ZFHX3: variants seen among roughly 807,000 people sequenced by gnomAD.
ZFHX3 encodes zinc finger homeobox 3, also known as zinc finger homeobox protein 3.
A neutral mutation model predicts 279.1 loss-of-function variants in ZFHX3; 42 were observed. That is an observed-to-expected ratio of 0.15 (90% CI 0.12 to 0.19). The LOEUF is 0.19. Among genes scored for constraint, ZFHX3 ranks in the 10% least tolerant of loss-of-function variants. The probability of loss-of-function intolerance (pLI) is 1.00; values close to 1 mark genes in which losing one functional copy is unlikely to be tolerated. For missense variants in ZFHX3, 4,981 were observed against 4,754.0 expected, an observed-to-expected ratio of 1.05 and a Z score of -1.40; for synonymous variants, 2,293 against 1,957.8, an observed-to-expected ratio of 1.17 and a Z score of -4.52.
chr16:72,950,199 C>G (rs1229478002), intron 3 of ZFHX3, among the ~76,000 whole-genome samples: 1 of 151,950 alleles, frequency 6.6e-6, no homozygotes, highest in African/African-American at 2.4e-5. Context: ...AAGAACCAAC[C>G]CTAGAGGCGC....
chr16:73,672,838 T>C (rs2052917531), intron 2 of ZFHX3, among the ~76,000 whole-genome samples: 1 of 152,166 alleles, frequency 6.6e-6, no homozygotes, highest in Non-Finnish European at 1.5e-5. Flanking sequence ...ACATGAAAAC[T>C]GGGAGAACTA....
chr16:73,061,693 T>A (rs1405136790), upstream of ZFHX3: 1 of 152,102 alleles, frequency 6.6e-6, no homozygotes, highest in Non-Finnish European at 1.5e-5. Context: ...TTTATCTGTC[T>A]TCACGAATCT....
At chr16:73,182,977 G>T (rs550953336) in intron 5 of ZFHX3, among the ~76,000 whole-genome samples, 2 of 152,278 alleles carry the variant, frequency 1.3e-5, no homozygotes, top group South Asian at 4.2e-4. Flanking sequence ...GGCCGAGGTG[G>T]GTGGATCACC....
In ZFHX3 at chr16:73,162,096, G is replaced by C. The variant is rs534610577; in HGVS notation, c.-1103-18265C>G. Among the ~76,000 whole-genome samples the C allele has an allele frequency of 3.3e-5, 5 of 152,296 alleles. No homozygotes were observed. In the South Asian group the frequency reaches 1.0e-3, roughly 32 times the overall value. On this transcript the variant is annotated intron_variant, in intron 5 of 17. Transcript: ENST00000641206. ...TGACTTTATAGAGCAGGGGTCCCCA[G>C]CCCCTGGGGCACAGACCAGTATCAA...
At chr16:72,925,217 C>T (rs1253350730) in intron 3 of ZFHX3, among the ~76,000 whole-genome samples, 1 of 152,162 alleles carries the variant, frequency 6.6e-6, no homozygotes, top group Non-Finnish European at 1.5e-5. Flanking sequence ...GTGAGGCTGC[C>T]CACTCTTCCC....
intron 5 of ZFHX3, among the ~76,000 whole-genome samples, chr16:73,225,273 G>A (rs1369713149): frequency 6.6e-6 from 1 of 152,090 alleles, no homozygotes; most frequent in Non-Finnish European, 1.5e-5. Context: ...AAACATTTGA[G>A]GCTTATTATT....
chr16:73,419,658 G>C (rs2017676115), intron 3 of ZFHX3, among the ~76,000 whole-genome samples: 1 of 151,904 alleles, frequency 6.6e-6, no homozygotes, highest in Non-Finnish European at 1.5e-5. Flanking sequence ...TGCCCAGGCT[G>C]GACTTGAACT....
intron 1 of ZFHX3, among the ~76,000 whole-genome samples, chr16:73,743,500 A>G (rs115528157): frequency 1.8e-3 from 268 of 152,366 alleles, no homozygotes; most frequent in African/African-American, 6.0e-3. Flanking sequence ...GGCTCTAACA[A>G]TATATGCTAC....
chr16:73,313,089 A>T (rs565328365), intron 4 of ZFHX3, among the ~76,000 whole-genome samples: 14 of 152,234 alleles, frequency 9.2e-5, no homozygotes, highest in African/African-American at 3.4e-4. Flanking sequence ...TGCTGTTCTC[A>T]TGATAGCGAG....
chr16:73,790,218 G>T (rs564466636), intron 1 of ZFHX3, among the ~76,000 whole-genome samples: 4 of 150,858 alleles, frequency 2.7e-5, no homozygotes, highest in Non-Finnish European at 5.9e-5. Flanking sequence ...ATGTATCCTG[G>T]ATCTTACAGG....
intron 1 of ZFHX3, among the ~76,000 whole-genome samples, chr16:73,695,329 C>T (rs560623441): frequency 3.3e-5 from 5 of 151,822 alleles, no homozygotes; most frequent in South Asian, 4.2e-4. Context: ...TCCACCTCCC[C>T]GGGTTCAAGC....
At chr16:73,562,278 A>G (rs796329820) in intron 2 of ZFHX3, among the ~76,000 whole-genome samples, 56 of 152,320 alleles carry the variant, frequency 3.7e-4, no homozygotes, top group African/African-American at 1.3e-3. Flanking sequence ...GCAAAGGGCC[A>G]CAGTGGTGTG....
chr16:73,152,375 G>T (rs1009029176), intron 5 of ZFHX3, among the ~76,000 whole-genome samples: 4 of 152,106 alleles, frequency 2.6e-5, no homozygotes, highest in African/African-American at 4.8e-5. Flanking sequence ...CATTGTCAAT[G>T]TTTAAATCCA....
chr16:73,615,477 T>G (rs2052290944), intron 2 of ZFHX3, among the ~76,000 whole-genome samples: 1 of 152,230 alleles, frequency 6.6e-6, no homozygotes, highest in Non-Finnish European at 1.5e-5. Context: ...TGAGGGGTAC[T>G]TGCCATCTAA....
intron 2 of ZFHX3, among the ~76,000 whole-genome samples, chr16:73,590,999 A>G (rs2051988768): frequency 6.6e-6 from 1 of 152,230 alleles, no homozygotes; most frequent in African/African-American, 2.4e-5. Flanking sequence ...ATTAAATGAC[A>G]AGAGGGTGCA....
rs377063608 is a variant in ZFHX3 at position 73,453,473 on chromosome 16, C to T, written c.-1291+2530G>A. Among the ~76,000 whole-genome samples the T allele has an allele frequency of 7.9e-5, 12 of 152,236 alleles. 1 individual carries two copies. The South Asian group carries it at 1.0e-3, about 13-fold the overall frequency. ...TCTCACTACCCTGAGACTTCCATGC[C>T]GGAAGGACACTCAAGCTGGTCACCT... On this transcript the variant is annotated intron_variant, in intron 3 of 17. Coordinates refer to the ZFHX3 transcript ENST00000641206.
intron 7 of ZFHX3, among the ~76,000 whole-genome samples, chr16:72,802,555 G>T (rs1169156072): frequency 6.6e-6 from 1 of 151,816 alleles, no homozygotes; most frequent in African/African-American, 2.4e-5. Flanking sequence ...ACCTCTCCCT[G>T]AAAAAAAGGG....
intron 4 of ZFHX3, among the ~76,000 whole-genome samples, chr16:72,848,200 T>C (rs991164827): frequency 6.6e-6 from 1 of 152,100 alleles, no homozygotes; most frequent in African/African-American, 2.4e-5. Context: ...CTAATTGCTC[T>C]TGGGGATGCT....
chr16:73,587,771 T>G (rs1011445735), intron 2 of ZFHX3, among the ~76,000 whole-genome samples: 1 of 152,238 alleles, frequency 6.6e-6, no homozygotes, highest in African/African-American at 2.4e-5. Flanking sequence ...AAATGAAATA[T>G]ATCATGTAAT....
Sources: allele counts gnomAD v4.1 joint callset (sites outside exome capture counted in the v4.1 genomes callset), GRCh38; gene constraint gnomAD v4.1.1; transcripts MANE v1.5; gene names NCBI Gene and HGNC (gene_info 2026-07-23, HGNC 2026-07-21).